The following ANK3 variants were observed in gnomAD, a reference collection of about 807,000 sequenced individuals.
ANK3 encodes the protein ankyrin-3.
Under a neutral mutation model 370.9 loss-of-function variants are expected in ANK3, and 57 were observed. The observed-to-expected ratio is 0.15, with a 90% CI of 0.12 to 0.19. ANK3 has a LOEUF of 0.19. Ranked by LOEUF, ANK3 falls within the 10% of genes least tolerant of loss-of-function variation. The pLI is 1.00. For missense variants in ANK3, 4,439 were observed against 5,302.1 expected (o/e 0.84, Z 5.06); for synonymous variants, 1,929 against 1,946.3 (o/e 0.99, Z 0.23).
At chr10:60,552,110 G>A (rs907650489) in intron 2 of ANK3, among the ~76,000 whole-genome samples, 7 of 152,222 alleles carry the variant, frequency 4.6e-5, no homozygotes, top group South Asian at 2.1e-4. Context: ...TCATCAAGGC[G>A]GCCGCCTGGA....
chr10:60,173,312 C>T (rs2095843779), intron 18 of ANK3, 126 bp from the exon 19 acceptor site: 1 of 705,534 alleles, frequency 1.4e-6, no homozygotes, highest in Non-Finnish European at 2.3e-6. Flanking sequence ...TTTTTTTCTT[C>T]TCTATATTAA....
At chr10:60,714,058 C>T (rs556859455) in intron 1 of ANK3, among the ~76,000 whole-genome samples, 2 of 152,054 alleles carry the variant, frequency 1.3e-5, no homozygotes, top group African/African-American at 4.8e-5. Flanking sequence ...AAAGAGGGGC[C>T]ACCATTATTG....
chr10:60,373,781 G>C (rs557509570), intron 1 of ANK3, among the ~76,000 whole-genome samples: 44 of 152,214 alleles, frequency 2.9e-4, no homozygotes, highest in African/African-American at 9.9e-4. Flanking sequence ...CTTGGAGTGA[G>C]GGATATAGCC....
chr10:60,697,444 A>G (rs1219917989), intron 1 of ANK3, among the ~76,000 whole-genome samples: 2 of 151,124 alleles, frequency 1.3e-5, no homozygotes, highest in East Asian at 3.9e-4. Context: ...CCGCATCGCC[A>G]AGTCAATCCT....
chr10:60,256,473 T>A (rs80298344), intron 7 of ANK3, among the ~76,000 whole-genome samples: 5,376 of 152,282 alleles, frequency 0.035, 308 homozygotes, highest in African/African-American at 0.12. Flanking sequence ...GGACAGAACA[T>A]AATTCTTTTA....
chr10:60,453,265 T>A (rs1294457412), intron 2 of ANK3, among the ~76,000 whole-genome samples: 1 of 152,204 alleles, frequency 6.6e-6, no homozygotes, highest in Non-Finnish European at 1.5e-5. Flanking sequence ...TGCACACTGC[T>A]GGCAAGTGCC....
Position 60,482,155 on chromosome 10 carries a change from C to A in ANK3, c.96+133031G>T, listed in dbSNP as rs186137490. Among the ~76,000 whole-genome samples, 70 of 152,262 alleles carry A rather than the reference C, an allele frequency of 4.6e-4. 1 individual carries two copies. In the East Asian group the frequency reaches 0.012, roughly 26 times the overall value. On this transcript the variant is annotated intron_variant, in intron 2 of 43. Transcript: ENST00000373827. ...GTTGTTTCTTAATTCCTACCTCAAA[C>A]TCATCAGCCTTGCTCCCCTTGTTGC...
intron 2 of ANK3, among the ~76,000 whole-genome samples, chr10:60,601,170 A>AAGGCACACAC (rs367892273): frequency 4.3e-5 from 6 of 140,092 alleles, no homozygotes; most frequent in Admixed American, 3.1e-4. Context: ...ACATTTATAC[A>AAGGCACACAC]ACGCACACAC....
chr10:60,062,113 A>T (rs2080650293), intron 40 of ANK3: 1 of 152,158 alleles, frequency 6.6e-6, no homozygotes, highest in African/African-American at 2.4e-5. Flanking sequence ...CTAAAAATAC[A>T]AAAAATTTGC....
At chr10:60,396,709 A>G (rs545664049) in intron 2 of ANK3, among the ~76,000 whole-genome samples, 2 of 152,302 alleles carry the variant, frequency 1.3e-5, no homozygotes, top group East Asian at 1.9e-4. Context: ...TAATGTCTAT[A>G]TAGTAATTAT....
intron 1 of ANK3, among the ~76,000 whole-genome samples, chr10:60,715,404 CAT>C (rs2079771934): frequency 6.6e-6 from 1 of 152,088 alleles, no homozygotes; most frequent in African/African-American, 2.4e-5. Flanking sequence ...AAAATACACA[CAT>C]ACAGACACAC....
At chr10:60,626,717 T>G (rs2078415412) in intron 1 of ANK3, among the ~76,000 whole-genome samples, 1 of 152,056 alleles carries the variant, frequency 6.6e-6, no homozygotes, top group African/African-American at 2.4e-5. Context: ...CTGACAAAAT[T>G]TAAAAGGTAA....
rs190656701 is a variant in ANK3 at position 60,571,437 on chromosome 10, T to C, written c.96+43749A>G. Among the ~76,000 whole-genome samples the C allele has an allele frequency of 2.0e-5, 3 of 152,356 alleles. 1 individual carries two copies. Among genetic ancestry groups the C allele is most frequent in the African/African-American group, 7.2e-5 (3 of 41,584 alleles). ...GCTGAAATCTTTATCTTCTCTACTA[T>C]AGCCACCATTCTGTATGTGTCCACT... On this transcript the variant is annotated intron_variant, in intron 2 of 43. Transcript: ENST00000373827.
intron 23 of ANK3, among the ~76,000 whole-genome samples, chr10:60,150,105 C>T (rs2095037621): frequency 6.6e-6 from 1 of 152,172 alleles, no homozygotes; most frequent in Admixed American, 6.5e-5. Flanking sequence ...CCCCTTCATC[C>T]TTCACCACTC....
chr10:60,634,716 G>A (rs184916883), intron 1 of ANK3, among the ~76,000 whole-genome samples: 38 of 152,136 alleles, frequency 2.5e-4, no homozygotes, highest in African/African-American at 8.9e-4. Context: ...TTGGGTCCAC[G>A]CTACCTTTAT....
At chr10:60,724,161 G>A (rs2079906797) in intron 1 of ANK3, among the ~76,000 whole-genome samples, 1 of 116,008 alleles carries the variant, frequency 8.6e-6, no homozygotes, top group Non-Finnish European at 1.7e-5. Context: ...AGTGAGCCGA[G>A]ATCGCGCCAC....
Position 60,389,868 on chromosome 10 carries a change from T to G in ANK3, c.-330A>C, listed in dbSNP as rs976073105. The G allele has an allele frequency of 6.5e-5, 69 of 1,057,960 alleles. No homozygotes were observed. The highest frequency in any genetic ancestry group is 7.4e-5 in the Non-Finnish European group (65 of 877,640). 65.5% of individuals were successfully genotyped at this position (1,057,960 alleles called of 1,614,324 possible). A position where few individuals can be genotyped will look rare whatever the true frequency, so the allele number is the denominator to read the frequency against. ...TGTATCCCCTGCCACCAGCTGGAAGTGTCTAAGTGATTCCTCGGAAGGGGG... is the reference window on the plus strand; with the variant it reads ...TGTATCCCCTGCCACCAGCTGGAAGGGTCTAAGTGATTCCTCGGAAGGGGG... On this transcript the variant is annotated 5_prime_UTR_variant, in exon 1 of 44. Coordinates refer to ENST00000280772, the MANE Select transcript of ANK3 (RefSeq NM_020987.5).
At chr10:60,472,340 C>T (rs2065239879) in intron 2 of ANK3, among the ~76,000 whole-genome samples, 1 of 152,150 alleles carries the variant, frequency 6.6e-6, no homozygotes, top group Admixed American at 6.5e-5. Flanking sequence ...TTTATATCAT[C>T]ACATAGATTT....
chr10:60,601,354 G>A (rs2078061564), intron 2 of ANK3, among the ~76,000 whole-genome samples: 1 of 151,900 alleles, frequency 6.6e-6, no homozygotes, highest in South Asian at 2.1e-4. Context: ...GGCAAAAATT[G>A]CCTTGTTCAG....
Sources: allele counts gnomAD v4.1 joint callset (sites outside exome capture counted in the v4.1 genomes callset), GRCh38; gene constraint gnomAD v4.1.1; transcripts MANE v1.5; gene names NCBI Gene and HGNC (gene_info 2026-07-23, HGNC 2026-07-21).